Variants in SLC46A2 observed in about 807,000 individuals in gnomAD.
SLC46A2 encodes thymic stromal co-transporter.
In SLC46A2, 25 loss-of-function variants were observed where a neutral mutation model predicts 33.1. The observed-to-expected ratio is 0.76, with a 90% CI of 0.55 to 1.06. The LOEUF is 1.06. SLC46A2 is among the 50% of genes least tolerant of loss of function. SLC46A2 has a pLI of 0.00. For missense variants in SLC46A2, 622 were observed against 621.7 expected, an observed-to-expected ratio of 1.00 and a Z score of 0.00; for synonymous variants, 254 against 275.9, an observed-to-expected ratio of 0.92 and a Z score of 0.79.
At chr9:112,887,666 G>A (rs1588150295) in intron 1 of SLC46A2, among the ~76,000 whole-genome samples, 1 of 152,316 alleles carries the variant, frequency 6.6e-6, no homozygotes, top group East Asian at 1.9e-4. Context: ...GTGACAGATG[G>A]TGAAATGTGT....
chr9:112,888,242 A>G (rs533263714), intron 1 of SLC46A2, among the ~76,000 whole-genome samples: 1 of 152,198 alleles, frequency 6.6e-6, no homozygotes. Context: ...GTACCATCGC[A>G]CTCCAGCCTG....
At chr9:112,889,337 C>T (rs1841690545) in intron 1 of SLC46A2, among the ~76,000 whole-genome samples, 2 of 152,132 alleles carry the variant, frequency 1.3e-5, no homozygotes, top group African/African-American at 2.4e-5. Flanking sequence ...CCATGAACAC[C>T]ACTCTGGTAA....
Position 112,890,343 on chromosome 9 carries a change from C to A in SLC46A2, c.339G>T (p.Leu113=), listed in dbSNP as rs1277374296. Residue 113 remains leucine (L), a synonymous_variant, in exon 1 of 4, where the codon CTG becomes CTT. Transcript: ENST00000374228. This position sits in a 1 kb window ranked among gnomAD's most constrained non-coding sequence, Gnocchi z 6.0. ...YHRKISICMS[L]LGFLLSRLGL... The stretch of plus-strand genomic sequence containing the variant: ...CGAGGCGGGAGAGCAGGAAGCCCAG[C>A]AGCGACATGCAGATGGAGATCTTTC... 6.2e-7 allele frequency: 1 copy of A among 1,613,856 alleles called. No individual in the cohort carries two copies. The highest frequency in any genetic ancestry group is 8.5e-7 in the Non-Finnish European group (1 of 1,180,014).
chr9:112,887,161 C>T (rs1341885375), intron 2 of SLC46A2, among the ~76,000 whole-genome samples, 169 bp downstream of exon 2: 1 of 152,176 alleles, frequency 6.6e-6, no homozygotes, highest in East Asian at 1.9e-4. Flanking sequence ...TAAGTCACTC[C>T]TATACCCGTC....
At chr9:112,886,645 G>T in intron 2 of SLC46A2, 29 bp from the exon 3 acceptor site, 1 of 1,612,224 alleles carries the variant, frequency 6.2e-7, no homozygotes, top group Admixed American at 1.7e-5. Flanking sequence ...TTACTCCGGA[G>T]TGCCTTGCTG....
chr9:112,890,368 C>G lies in SLC46A2; in HGVS notation c.314G>C (p.Arg105Pro), dbSNP rs1299140630. Residue 105 changes from arginine (R) to proline (P), a missense_variant, in exon 1 of 4, where the codon CGA becomes CCA. Physicochemically the swap from Arg to Pro is moderately radical, Grantham distance 103 (BLOSUM62 -2). Coordinates refer to ENST00000374228, the MANE Select transcript of SLC46A2 (RefSeq NM_033051.4). The surrounding 1 kb of genome is among the most constrained non-coding windows in gnomAD (Gnocchi z 6.0). ...GLGWLSDRYH[R>P]KISICMSLLG... The stretch of plus-strand genomic sequence containing the variant: ...CAGCGACATGCAGATGGAGATCTTT[C>G]GGTGGTAGCGGTCGCTGAGCCATCC... 2.5e-6 allele frequency: 4 copies of G among 1,614,124 alleles called. No homozygotes were observed. Among genetic ancestry groups the G allele is most frequent in the Non-Finnish European group, 3.4e-6 (4 of 1,180,022 alleles).
intron 3 of SLC46A2, among the ~76,000 whole-genome samples, chr9:112,883,724 G>A (rs1841611780): frequency 1.5e-5 from 2 of 137,608 alleles, no homozygotes; most frequent in Admixed American, 1.6e-4. Context: ...TTGAGATGGA[G>A]TCTAGCTCTG....
chr9:112,890,865 C>T lies in SLC46A2; in HGVS notation c.-184G>A. On this transcript the variant is annotated 5_prime_UTR_variant, in exon 1 of 4. The change creates a new upstream start codon in the 5' untranslated region. Coordinates refer to ENST00000374228, the MANE Select transcript of SLC46A2 (RefSeq NM_033051.4). The surrounding 1 kb of genome is among the most constrained non-coding windows in gnomAD (Gnocchi z 6.0). ...GCCAGTGGCGAGCAGAGCCAGGGCACGCAGCGCCTGTGACAGCAGCCCGCC... is the reference window on the plus strand; with the variant it reads ...GCCAGTGGCGAGCAGAGCCAGGGCATGCAGCGCCTGTGACAGCAGCCCGCC... The T allele has an allele frequency of 2.7e-6, 2 of 729,186 alleles. No individual in the cohort carries two copies. Among genetic ancestry groups the T allele is most frequent in the Non-Finnish European group, 4.3e-6 (2 of 470,150 alleles). 45.2% of individuals were successfully genotyped at this position (729,186 alleles called of 1,614,324 possible).
At chr9:112,886,747 C>CA in intron 2 of SLC46A2, 131 bp from the exon 3 acceptor site, 2 of 954,180 alleles carry the variant, frequency 2.1e-6, no homozygotes, top group Non-Finnish European at 3.1e-6. Context: ...TTTTTAGAGA[C>CA]AGAGTCTTAC....
chr9:112,881,515 G>C (rs4978510), intron 3 of SLC46A2: 141,257 of 152,486 alleles, frequency 0.93, 65,534 homozygotes, highest in East Asian at 1. Context: ...TACAGCACAG[G>C]CACAAGGCGA....
chr9:112,886,177 A>C (rs10817402), intron 3 of SLC46A2, among the ~76,000 whole-genome samples: 115,413 of 152,088 alleles, frequency 0.76, 44,540 homozygotes, highest in East Asian at 0.83. Context: ...ATTATAAGGA[A>C]GTATACGGAA....
chr9:112,879,818 T>A lies in SLC46A2; in HGVS notation c.1372A>T (p.Ile458Phe). ...AATGGGACTTGTTTATAGGCCACGA[T>A]GCTGTAAGAATTGACCATAGAGAGT... ...LSFLAIIPIS[I>F]VAYKQVPLSP... The change falls in exon 4 of 4, where the codon ATC (isoleucine) becomes TTC (phenylalanine). Residue 458 changes from isoleucine (I) to phenylalanine (F), a missense_variant and splice_region_variant. Coordinates refer to ENST00000374228, the MANE Select transcript of SLC46A2 (RefSeq NM_033051.4). 1 of 1,613,052 alleles carries A rather than the reference T, an allele frequency of 6.2e-7. No homozygotes were observed. Among genetic ancestry groups the A allele is most frequent in the Non-Finnish European group, 8.5e-7 (1 of 1,179,124 alleles).
Position 112,889,533 on chromosome 9 carries a change from C to T in SLC46A2, c.1129+20G>A. On this transcript the variant is annotated intron_variant, in intron 1 of 3. Transcript: ENST00000374228. ...CAGAGGGCTAGCAATGTCCTGCCTC[C>T]TCAAGAATGACAGACTCACCAATAT... 4 of 1,584,352 alleles carry T rather than the reference C, an allele frequency of 2.5e-6. No homozygotes were observed. Among genetic ancestry groups the T allele is most frequent in the East Asian group, 2.2e-5 (1 of 44,594 alleles).
chr9:112,879,983 C>T (rs1841557990), intron 3 of SLC46A2, 164 bp from the exon 4 acceptor site: 1 of 553,884 alleles, frequency 1.8e-6, no homozygotes, highest in Non-Finnish European at 3.3e-6. Flanking sequence ...CTCCCTGCAG[C>T]TGCTAGCTAA....
In SLC46A2 at chr9:112,890,641, G is replaced by A. The variant is rs1564307488; in HGVS notation, c.41C>T (p.Pro14Leu). The A allele has an allele frequency of 1.9e-6, 3 of 1,601,598 alleles. No homozygotes were observed. Among genetic ancestry groups the A allele is most frequent in the East Asian group, 2.2e-5 (1 of 44,868 alleles). ...EVTCPRRGHLPRFHPRTWVEP... is the reference protein window; with the variant it reads ...EVTCPRRGHLLRFHPRTWVEP... ...AACCCAGGTCCTCGGGTGGAAGCGA[G>A]GCAGGTGGCCCCTCCGCGGGCAGGT... The change falls in exon 1 of 4, where the codon CCT becomes CTT. Residue 14 changes from proline to leucine, a missense_variant. Pro to Leu is a moderately conservative substitution (Grantham distance 98, BLOSUM62 -3). Transcript: ENST00000374228. The surrounding 1 kb of genome is among the most constrained non-coding windows in gnomAD (Gnocchi z 6.0).
chr9:112,887,912 A>AGTGTGT (rs34424153), intron 1 of SLC46A2, among the ~76,000 whole-genome samples: 4,099 of 142,170 alleles, frequency 0.029, 70 homozygotes, highest in African/African-American at 0.038. Context: ...ATCCAGATGC[A>AGTGTGT]GTGTGTGTGT....
intron 3 of SLC46A2, 30 bp downstream of exon 3, chr9:112,886,429 GC>G: frequency 3.1e-6 from 5 of 1,613,042 alleles, no homozygotes; most frequent in Non-Finnish European, 4.2e-6. Flanking sequence ...CAGGGTCCCA[GC>G]CCAAGCAGCA....
intron 1 of SLC46A2, among the ~76,000 whole-genome samples, chr9:112,889,144 C>T (rs985885874): frequency 4.6e-5 from 7 of 152,104 alleles, no homozygotes; most frequent in East Asian, 1.9e-4. Context: ...TCCCACCTCC[C>T]GCCCAAAGTG....
In SLC46A2 at chr9:112,882,721, G is replaced by A. The variant is rs1017280639; in HGVS notation, c.1371-2902C>T. Among the ~76,000 whole-genome samples the A allele has an allele frequency of 3.3e-5, 5 of 152,212 alleles. No homozygotes were observed. The East Asian group carries it at 5.8e-4, about 18-fold the overall frequency. ...AGATGAAGGACAGGTTTCTACCCTCGGTGGGTGGTGCCGCCGTTTAATGAG... is the reference window on the plus strand; with the variant it reads ...AGATGAAGGACAGGTTTCTACCCTCAGTGGGTGGTGCCGCCGTTTAATGAG... On this transcript the variant is annotated intron_variant, in intron 3 of 3. Transcript: ENST00000374228.
Sources: allele counts gnomAD v4.1 joint callset (sites outside exome capture counted in the v4.1 genomes callset), GRCh38; gene constraint gnomAD v4.1.1; non-coding constraint Gnocchi (gnomAD v3.1); transcripts MANE v1.5; gene names NCBI Gene and HGNC (gene_info 2026-07-23, HGNC 2026-07-21).